GTF2IRD1: variants seen among roughly 807,000 people sequenced by gnomAD.
The protein encoded by GTF2IRD1 is GTF2I repeat domain containing 1.
A neutral mutation model predicts 113.2 loss-of-function variants in GTF2IRD1; 26 were observed. That is an observed-to-expected ratio of 0.23 (90% CI 0.17 to 0.32). GTF2IRD1 has a LOEUF of 0.32. Among genes scored for constraint, GTF2IRD1 ranks in the 10% least tolerant of loss-of-function variants. The probability of loss-of-function intolerance (pLI) is 1.00; values close to 1 mark genes in which losing one functional copy is unlikely to be tolerated. For synonymous variants in GTF2IRD1, 484 were observed against 529.1 expected (o/e 0.91, Z 1.17); for missense variants, 864 against 1,280.8 (o/e 0.67, Z 4.97).
rs1406532322 is a variant in GTF2IRD1 at position 74,545,253 on chromosome 7, G to A, written c.1666+451G>A. 4.6e-5 allele frequency among the ~76,000 whole-genome samples: 7 copies of A among 152,116 alleles called. No individual in the cohort carries two copies. The East Asian group carries it at 1.4e-3, about 29-fold the overall frequency. On this transcript the variant is annotated intron_variant, in intron 15 of 26. Transcript: ENST00000424337. ...AGGACAGAGAGAGAGGGAGGCCAGGGTGAGGGTGGGTCTGTTTCATCTCTG... is the reference window on the plus strand; with the variant it reads ...AGGACAGAGAGAGAGGGAGGCCAGGATGAGGGTGGGTCTGTTTCATCTCTG...
At chr7:74,475,519 T>C (rs145464616) in intron 1 of GTF2IRD1, among the ~76,000 whole-genome samples, 267 of 152,252 alleles carry the variant, frequency 1.8e-3, no homozygotes, top group African/African-American at 5.7e-3. Flanking sequence ...GGGGCTGCCC[T>C]GCCATCTGTT....
At chr7:74,546,620 C>T (rs1798956225) in intron 16 of GTF2IRD1, among the ~76,000 whole-genome samples, 1 of 152,280 alleles carries the variant, frequency 6.6e-6, no homozygotes, top group East Asian at 1.9e-4. Flanking sequence ...GTGACTCGTC[C>T]AAGGCCCCAC....
chr7:74,463,703 C>T lies in GTF2IRD1; in HGVS notation c.-7+9527C>T, dbSNP rs552980333. ...TCAAGCCTCCTGTGCCCCTTTGGGC[C>T]AGAGTAGGACCACTGTTGTTTTTTG... On this transcript the variant is annotated intron_variant, in intron 1 of 26. Transcript: ENST00000424337. Among the ~76,000 whole-genome samples the T allele has an allele frequency of 6.0e-5, 9 of 151,072 alleles. No individual in the cohort carries two copies. In the East Asian group the frequency reaches 1.8e-3, roughly 29 times the overall value.
chr7:74,593,413 TAAAAAAAAAA>T (rs1176932203), intron 24 of GTF2IRD1, among the ~76,000 whole-genome samples: 4 of 49,248 alleles, frequency 8.1e-5, no homozygotes, highest in African/African-American at 3.7e-4. Context: ...TCATCTCTAC[TAAAAAAAAAA>T]AAAAAAAAAA....
intron 5 of GTF2IRD1, 63 bp from the exon 6 acceptor site, chr7:74,519,346 G>A: frequency 1.7e-6 from 2 of 1,210,808 alleles, no homozygotes; most frequent in Admixed American, 2.6e-5. Context: ...GGTTTTCGGG[G>A]GAAGAGCTGC....
At chr7:74,590,698 T>G in intron 23 of GTF2IRD1, 127 bp from the exon 24 acceptor site, 1 of 562,520 alleles carries the variant, frequency 1.8e-6, no homozygotes, top group Non-Finnish European at 3.0e-6. Flanking sequence ...ACCAGGGTCT[T>G]GATTTTTAAA....
intron 17 of GTF2IRD1, among the ~76,000 whole-genome samples, chr7:74,552,439 C>A (rs1180205008): frequency 1.3e-5 from 2 of 151,998 alleles, no homozygotes; most frequent in African/African-American, 4.8e-5. Context: ...TTGCTTAAAC[C>A]CAGGAGACAG....
chr7:74,460,789 G>T (rs1300562049), intron 1 of GTF2IRD1, among the ~76,000 whole-genome samples: 1 of 152,204 alleles, frequency 6.6e-6, no homozygotes, highest in African/African-American at 2.4e-5. Flanking sequence ...GATTGGCAAG[G>T]CCTGAGTGCT....
chr7:74,571,762 G>A (rs992775941), intron 22 of GTF2IRD1, among the ~76,000 whole-genome samples: 1 of 152,108 alleles, frequency 6.6e-6, no homozygotes, highest in African/African-American at 2.4e-5. Flanking sequence ...TCAGGAGGCT[G>A]AGGTGGGAGG....
chr7:74,578,633 T>A (rs1398459542), intron 22 of GTF2IRD1, among the ~76,000 whole-genome samples: 7 of 152,220 alleles, frequency 4.6e-5, no homozygotes, highest in Non-Finnish European at 8.8e-5. Flanking sequence ...TTTACCATGA[T>A]GCAATTCCTC....
Position 74,512,111 on chromosome 7 carries a change from G to A in GTF2IRD1, c.124-719G>A, listed in dbSNP as rs150659565. On this transcript the variant is annotated intron_variant, in intron 2 of 26. Coordinates refer to ENST00000424337, the MANE Select transcript of GTF2IRD1 (RefSeq NM_005685.4). This position sits in a 1 kb window ranked among gnomAD's most constrained non-coding sequence, Gnocchi z 4.4. ...TCACGCCTGTAATCCCAGCACTTTG[G>A]GAGGCTGAGACGGGCAGATCACCTG... is the stretch of plus-strand genomic sequence containing the variant. Among the ~76,000 whole-genome samples the A allele has an allele frequency of 1.8e-3, 267 of 152,282 alleles. No homozygotes were observed. Among genetic ancestry groups the A allele is most frequent in the African/African-American group, 6.4e-3 (265 of 41,562 alleles).
intron 1 of GTF2IRD1, among the ~76,000 whole-genome samples, chr7:74,471,426 T>C (rs1400383682): frequency 1.3e-5 from 2 of 151,796 alleles, no homozygotes; most frequent in Non-Finnish European, 2.9e-5. Context: ...GGAGAATTGC[T>C]TGAGGCTGGG....
intron 9 of GTF2IRD1, among the ~76,000 whole-genome samples, chr7:74,530,637 T>C (rs1304048152): frequency 7.9e-6 from 1 of 126,974 alleles, no homozygotes; most frequent in East Asian, 2.2e-4. Context: ...GAAGGGACAA[T>C]GATGGCCCCC....
intron 22 of GTF2IRD1, among the ~76,000 whole-genome samples, chr7:74,574,662 T>C (rs1214760888): frequency 2.0e-5 from 3 of 150,658 alleles, no homozygotes; most frequent in Non-Finnish European, 4.4e-5. Flanking sequence ...GGTTTTGCCA[T>C]GTTTCCCAGG....
chr7:74,549,478 C>T (rs1799163124), intron 17 of GTF2IRD1, among the ~76,000 whole-genome samples: 1 of 152,144 alleles, frequency 6.6e-6, no homozygotes, highest in Admixed American at 6.6e-5. Flanking sequence ...GCAGGGCCTG[C>T]TCTGTGCCAG....
At chr7:74,592,659 C>T (rs587627854) in intron 24 of GTF2IRD1, among the ~76,000 whole-genome samples, 2 of 152,082 alleles carry the variant, frequency 1.3e-5, no homozygotes, top group South Asian at 4.2e-4. Context: ...CTCACCCTCC[C>T]GAGTAGCTGG....
chr7:74,577,806 T>C (rs1241132283), intron 22 of GTF2IRD1, among the ~76,000 whole-genome samples: 1 of 152,124 alleles, frequency 6.6e-6, no homozygotes, highest in Non-Finnish European at 1.5e-5. Context: ...GCACACGTGC[T>C]ACCATGCCCA....
intron 22 of GTF2IRD1, among the ~76,000 whole-genome samples, chr7:74,572,836 T>C (rs1160011757): frequency 6.6e-6 from 1 of 152,284 alleles, no homozygotes; most frequent in East Asian, 1.9e-4. Flanking sequence ...GGTTCAGTAA[T>C]GATCTCCCTT....
chr7:74,602,308 TG>T, intron 26 of GTF2IRD1, 56 bp from the exon 27 acceptor site: 3 of 1,575,912 alleles, frequency 1.9e-6, no homozygotes, highest in Non-Finnish European at 2.6e-6. Context: ...CTAAGCATTT[TG>T]GGTTTGTTCC....
Sources: gnomAD v4.1 joint callset for allele counts (sites outside exome capture counted in the v4.1 genomes callset) on GRCh38, gnomAD v4.1.1 for gene constraint, Gnocchi (gnomAD v3.1) non-coding constraint, MANE v1.5 for transcripts, NCBI Gene and HGNC (gene_info 2026-07-23, HGNC 2026-07-21) for gene names.